Variants in ZNF609 observed in about 807,000 individuals in gnomAD.
ZNF609 encodes the protein zinc finger protein 609.
A neutral mutation model predicts 109.5 loss-of-function variants in ZNF609; 11 were observed. The observed-to-expected ratio is 0.10, with a 90% confidence interval of 0.06 to 0.17. The LOEUF is 0.17. Among genes scored for constraint, ZNF609 ranks in the 10% least tolerant of loss-of-function variants. ZNF609 has a pLI of 1.00. For synonymous variants in ZNF609, 646 were observed against 662.0 expected (o/e 0.98, Z 0.37); for missense variants, 1,559 against 1,772.4 (o/e 0.88, Z 2.16).
In ZNF609 at chr15:64,681,305, T is replaced by G. The variant is rs764929805; in HGVS notation, c.4163-4T>G. ...TACACTAACATGTTCTCCTGCTTAT[T>G]CAGGGCTTTCTTCTACAGCCATTGT... On this transcript the variant is annotated splice_polypyrimidine_tract_variant and splice_region_variant and intron_variant, in intron 8 of 9. Transcript: ENST00000326648. The G allele has an allele frequency of 3.2e-5, 51 of 1,613,742 alleles. No homozygotes were observed. Among genetic ancestry groups the G allele is most frequent in the Non-Finnish European group, 4.1e-5 (48 of 1,179,792 alleles).
chr15:64,646,633 T>C, intron 3 of ZNF609, among the ~76,000 whole-genome samples: 3 of 42,758 alleles, frequency 7.0e-5, no homozygotes, highest in East Asian at 6.4e-4. Context: ...AGACTCCATC[T>C]CAAAAAAAAA....
intron 3 of ZNF609, chr15:64,643,768 C>T (rs535843037): frequency 6.6e-6 from 1 of 152,154 alleles, no homozygotes; most frequent in African/African-American, 2.4e-5. Context: ...ATTTTTCTGA[C>T]CAAGCTAAGG....
At chr15:64,569,464 A>G (rs1359564695) in intron 2 of ZNF609, among the ~76,000 whole-genome samples, 1 of 152,198 alleles carries the variant, frequency 6.6e-6, no homozygotes, top group East Asian at 1.9e-4. Context: ...CCTGGGGACA[A>G]TTTCCTATCA....
At chr15:64,593,441 A>G (rs1423767458) in intron 2 of ZNF609, 8 of 665,288 alleles carry the variant, frequency 1.2e-5, no homozygotes, top group Admixed American at 1.2e-4. Context: ...AATTGACACA[A>G]AAATGTTCAC....
intron 2 of ZNF609, among the ~76,000 whole-genome samples, chr15:64,615,188 G>A (rs894090405): frequency 2.0e-5 from 3 of 151,864 alleles, no homozygotes; most frequent in Non-Finnish European, 2.9e-5. Context: ...TGCAGTGGTA[G>A]TACCTTGGCT....
Position 64,681,232 on chromosome 15 carries a change from C to T in ZNF609, c.4163-77C>T. The T allele has an allele frequency of 3.7e-6, 5 of 1,356,594 alleles. No homozygotes were observed. In the South Asian group the frequency reaches 6.1e-5, roughly 16 times the overall value. 84.0% of individuals were successfully genotyped at this position (1,356,594 alleles called of 1,614,324 possible). On this transcript the variant is annotated intron_variant, in intron 8 of 9. Transcript: ENST00000326648. ...AGTATCAGATTTTTTTTTCTGTCAG[C>T]ACCCCAAAACTCAGGGAAAAAGATT... is the stretch of plus-strand genomic sequence containing the variant.
At chr15:64,500,458 C>G (rs773266800) in intron 2 of ZNF609, 1 of 660,686 alleles carries the variant, frequency 1.5e-6, no homozygotes, top group Non-Finnish European at 2.7e-6. Context: ...CCCACCTTGT[C>G]TTTGCCCACC....
chr15:64,530,519 T>G lies in ZNF609; in HGVS notation c.747+30353T>G, dbSNP rs553142697. ...CTAATCACTGTGCTAAGTATAATAC[T>G]TGATACTTATTGCCCATGGAAAGTA... On this transcript the variant is annotated intron_variant, in intron 2 of 9. Transcript: ENST00000326648. 5.3e-5 allele frequency among the ~76,000 whole-genome samples: 8 copies of G among 152,380 alleles called. No homozygotes were observed. The South Asian group carries it at 1.0e-3, about 20-fold the overall frequency.
At chr15:64,634,308 T>C (rs1037731481) in intron 3 of ZNF609, among the ~76,000 whole-genome samples, 1 of 152,162 alleles carries the variant, frequency 6.6e-6, no homozygotes, top group Non-Finnish European at 1.5e-5. Context: ...AGTAATAGGC[T>C]ATGGTTTTGC....
rs1377481468 is a variant in ZNF609, at chr15:64,682,148, A to G, written c.*462A>G. The G allele has an allele frequency of 6.6e-6, 1 of 152,288 alleles. No individual in the cohort carries two copies. Among genetic ancestry groups the G allele is most frequent in the Non-Finnish European group, 1.5e-5 (1 of 68,034 alleles). 9.4% of individuals were successfully genotyped at this position (152,288 alleles called of 1,614,324 possible). On this transcript the variant is annotated 3_prime_UTR_variant, in exon 10 of 10. Transcript: ENST00000326648. ...AGCAGCCATACCCCTCACCATCATT[A>G]CCACCATCACCAGATTCTGCATCTC...
At chr15:64,556,048 T>A (rs1595717129) in intron 2 of ZNF609, among the ~76,000 whole-genome samples, 1 of 150,238 alleles carries the variant, frequency 6.7e-6, no homozygotes, top group Admixed American at 6.6e-5. Context: ...CTGAGTACAG[T>A]GGCATGATCA....
At chr15:64,677,142 C>G (rs1896820554) in intron 5 of ZNF609, among the ~76,000 whole-genome samples, 1 of 152,048 alleles carries the variant, frequency 6.6e-6, no homozygotes, top group Non-Finnish European at 1.5e-5. Context: ...TAGCTCACTG[C>G]AATTTCCAAC....
chr15:64,569,661 C>T (rs1394536962), intron 2 of ZNF609, among the ~76,000 whole-genome samples: 1 of 152,230 alleles, frequency 6.6e-6, no homozygotes, highest in East Asian at 1.9e-4. Context: ...AGTGAGTCTC[C>T]TTGTGAAAAA....
In ZNF609 at chr15:64,517,767, T is replaced by A. The variant is rs113602365; in HGVS notation, c.747+17601T>A. On this transcript the variant is annotated intron_variant, in intron 2 of 9. Transcript: ENST00000326648. ...GGAGTGTGTGTATATATATGATATA[T>A]AAATAAAAATTATACATATATATTA... 2.9e-4 allele frequency among the ~76,000 whole-genome samples: 44 copies of A among 151,242 alleles called. 1 individual carries two copies. Among genetic ancestry groups the A allele is most frequent in the African/African-American group, 1.1e-3 (44 of 41,320 alleles).
intron 2 of ZNF609, chr15:64,500,756 T>C: frequency 3.5e-6 from 1 of 281,904 alleles, no homozygotes; most frequent in East Asian, 8.0e-5. Flanking sequence ...TTAGATCTTA[T>C]GAGTTATTGT....
chr15:64,631,135 G>T, intron 3 of ZNF609: 2 of 574,322 alleles, frequency 3.5e-6, no homozygotes, highest in East Asian at 4.1e-5. Flanking sequence ...TAGGGAAGAG[G>T]TTCCAGCAGT....
chr15:64,628,946 A>AGATT (rs1350856133), intron 3 of ZNF609, among the ~76,000 whole-genome samples: 111 of 152,210 alleles, frequency 7.3e-4, no homozygotes, highest in African/African-American at 2.5e-3. Context: ...TTGTAATAAC[A>AGATT]TCCTGTCATC....
At chr15:64,586,133 T>C (rs570890517) in intron 2 of ZNF609, among the ~76,000 whole-genome samples, 14 of 152,188 alleles carry the variant, frequency 9.2e-5, no homozygotes, top group African/African-American at 3.1e-4. Flanking sequence ...GAGACCAGCC[T>C]AACCAACATG....
chr15:64,637,332 A>G (rs939572647), intron 3 of ZNF609, among the ~76,000 whole-genome samples: 1 of 152,200 alleles, frequency 6.6e-6, no homozygotes, highest in South Asian at 2.1e-4. Flanking sequence ...GCTGTTATAA[A>G]AAGTGCTGCT....
Sources: gnomAD v4.1 joint callset for allele counts (sites outside exome capture counted in the v4.1 genomes callset) on GRCh38, gnomAD v4.1.1 for gene constraint, MANE v1.5 for transcripts, NCBI Gene and HGNC (gene_info 2026-07-23, HGNC 2026-07-21) for gene names.